The following RHOBTB3 variants were observed in gnomAD, a reference collection of about 807,000 sequenced individuals.
RHOBTB3 encodes rho-related BTB domain-containing protein 3.
RHOBTB3 carries 47 observed loss-of-function variants against 67.2 expected under a neutral mutation model. The ratio of observed to expected loss-of-function variants is 0.70; its 90% CI spans 0.55 to 0.89. The LOEUF is 0.89. Ranked by LOEUF, RHOBTB3 falls within the 40% of genes least tolerant of loss-of-function variation. RHOBTB3 has a pLI of 0.00. For missense variants in RHOBTB3, 631 were observed against 750.0 expected, an observed-to-expected ratio of 0.84 and a Z score of 1.85; for synonymous variants, 273 against 274.2, an observed-to-expected ratio of 1.00 and a Z score of 0.04.
At chr5:95,760,572 C>T (rs1745368026) in intron 6 of RHOBTB3, among the ~76,000 whole-genome samples, 1 of 152,198 alleles carries the variant, frequency 6.6e-6, no homozygotes, top group Admixed American at 6.5e-5. Flanking sequence ...GTGGCATGTC[C>T]TTTTCTGTAT....
intron 9 of RHOBTB3, chr5:95,782,308 A>G (rs1356757202): frequency 4.6e-5 from 7 of 152,238 alleles, no homozygotes; most frequent in African/African-American, 1.7e-4. Context: ...AATTACATGA[A>G]AAACCAGATT....
Position 95,779,155 on chromosome 5 carries a change from T to G in RHOBTB3, c.1283-1097T>G, listed in dbSNP as rs187028716. Among the ~76,000 whole-genome samples, 186 of 152,304 alleles carry G rather than the reference T, an allele frequency of 1.2e-3. 1 individual carries two copies. Among genetic ancestry groups the G allele is most frequent in the African/African-American group, 4.1e-3 (170 of 41,568 alleles). ...GAAGACTATATATCCCTGATGAGTA[T>G]GAGATTTTAGAGATGTGTGGGTAAA... On this transcript the variant is annotated intron_variant, in intron 8 of 11. Transcript: ENST00000379982.
At chr5:95,741,816 G>A (rs1047568342) in intron 3 of RHOBTB3, among the ~76,000 whole-genome samples, 5 of 151,928 alleles carry the variant, frequency 3.3e-5, no homozygotes, top group Admixed American at 6.6e-5. Context: ...TGTTTCTATC[G>A]TTCTTCCTAT....
At chr5:95,788,198 A>G (rs945535665) in intron 10 of RHOBTB3, among the ~76,000 whole-genome samples, 1 of 152,216 alleles carries the variant, frequency 6.6e-6, no homozygotes, top group Admixed American at 6.5e-5. Context: ...ATTAGCAGCT[A>G]TTGGAACTCA....
intron 10 of RHOBTB3, among the ~76,000 whole-genome samples, chr5:95,787,447 C>T (rs1024676616): frequency 3.8e-4 from 40 of 104,022 alleles, no homozygotes; most frequent in Non-Finnish European, 5.9e-4. Context: ...TCACACTATA[C>T]AGCTTTAAAA....
intron 1 of RHOBTB3, among the ~76,000 whole-genome samples, chr5:95,720,916 G>T (rs558572558): frequency 6.6e-6 from 1 of 152,048 alleles, no homozygotes; most frequent in African/African-American, 2.4e-5. Flanking sequence ...ATATTTTACC[G>T]AAGAAAAGGA....
At chr5:95,753,638 G>A (rs1380457632) in intron 5 of RHOBTB3, among the ~76,000 whole-genome samples, 1 of 152,158 alleles carries the variant, frequency 6.6e-6, no homozygotes, top group East Asian at 1.9e-4. Context: ...TGAAAGGGGA[G>A]ACATGGTCTA....
intron 4 of RHOBTB3, among the ~76,000 whole-genome samples, chr5:95,750,737 G>T (rs1745066576): frequency 6.6e-6 from 1 of 152,122 alleles, no homozygotes; most frequent in South Asian, 2.1e-4. Flanking sequence ...CCTGCGGGGT[G>T]GCCAAAGGGT....
intron 8 of RHOBTB3, among the ~76,000 whole-genome samples, chr5:95,777,643 A>G (rs1314023645): frequency 2.0e-5 from 3 of 152,256 alleles, no homozygotes; most frequent in Non-Finnish European, 2.9e-5. Context: ...ATATTTTTAT[A>G]TACAGTGTTG....
Position 95,795,848 on chromosome 5 carries a change from A to C in RHOBTB3, c.*2674A>C, listed in dbSNP as rs1157842097. 6.6e-6 allele frequency: 1 copy of C among 152,142 alleles called. No homozygotes were observed. Among genetic ancestry groups the C allele is most frequent in the East Asian group, 2.0e-4 (1 of 5,128 alleles). The allele number at this position is 152,142 out of a possible 1,614,324, so 9.4% of individuals were successfully genotyped here. On this transcript the variant is annotated 3_prime_UTR_variant, in exon 12 of 12. Coordinates refer to ENST00000379982, the MANE Select transcript of RHOBTB3 (RefSeq NM_014899.4). The stretch of plus-strand genomic sequence containing the variant: ...ACTGAAAGATTATTTCTAGATGGGT[A>C]GTGCTTTGTGCTGGTTTCTGCTTCC...
At position 95,794,002 on chromosome 5, in the gene RHOBTB3, T is replaced by C. The variant is rs1174425840; in HGVS notation, c.*828T>C. 1 of 456,246 alleles carries C rather than the reference T, an allele frequency of 2.2e-6. No homozygotes were observed. The highest frequency in any genetic ancestry group is 4.4e-6 in the Non-Finnish European group (1 of 226,946). 28.3% of individuals were successfully genotyped at this position (456,246 alleles called of 1,614,324 possible). ...TCCTATGTTTTCTTGCTCAAACACC[T>C]TTCTCTCTGAAAGCAGAAAAAGGCA... On this transcript the variant is annotated 3_prime_UTR_variant, in exon 12 of 12. Transcript: ENST00000379982.
In RHOBTB3 at chr5:95,788,814, A is replaced by C; in HGVS notation, c.1676A>C (p.Asn559Thr). The C allele has an allele frequency of 2.5e-6, 4 of 1,579,122 alleles. No individual in the cohort carries two copies. Among genetic ancestry groups the C allele is most frequent in the Non-Finnish European group, 3.4e-6 (4 of 1,168,292 alleles). ...TGGCTACTTCATTTCATTGCTACTAACTACCTCATCTTCAGTCAAAAGCCT... is the reference window on the plus strand; with the variant it reads ...TGGCTACTTCATTTCATTGCTACTACCTACCTCATCTTCAGTCAAAAGCCT... ...STWLLHFIATNYLIFSQKPEF... is the reference protein window; with the variant it reads ...STWLLHFIATTYLIFSQKPEF... The change falls in exon 11 of 12, where the codon AAC becomes ACC. Residue 559 changes from asparagine (N) to threonine (T), a missense_variant. Asn to Thr is a moderately conservative substitution (Grantham distance 65). Coordinates refer to ENST00000379982, the MANE Select transcript of RHOBTB3 (RefSeq NM_014899.4).
Position 95,731,641 on chromosome 5 carries a change from T to A in RHOBTB3, c.-42T>A. On this transcript the variant is annotated 5_prime_UTR_variant, in exon 1 of 12. Coordinates refer to ENST00000379982, the MANE Select transcript of RHOBTB3 (RefSeq NM_014899.4). ...GGGGCCCCGCGAAGCCGTGAGCCGC[T>A]GCTTTTCTCCGAGTCGCCGCCCTGC... is the stretch of plus-strand genomic sequence containing the variant. 1 of 1,612,450 alleles carries A rather than the reference T, an allele frequency of 6.2e-7. No individual in the cohort carries two copies. The highest frequency in any genetic ancestry group is 8.5e-7 in the Non-Finnish European group (1 of 1,179,456).
chr5:95,730,924 G>A (rs113054286), upstream of RHOBTB3: 4,753 of 456,732 alleles, frequency 0.01, 41 homozygotes, highest in Non-Finnish European at 0.014. Context: ...AAGGCCAAGA[G>A]GGGGGGAAAT....
chr5:95,722,076 G>A (rs1018794077), intron 1 of RHOBTB3, among the ~76,000 whole-genome samples: 3 of 152,154 alleles, frequency 2.0e-5, no homozygotes, highest in Admixed American at 1.3e-4. Context: ...ATGAGGTCAG[G>A]GGAAATGATC....
Position 95,746,469 on chromosome 5 carries a change from A to G in RHOBTB3, c.416-1864A>G, listed in dbSNP as rs140251571. The stretch of plus-strand genomic sequence containing the variant: ...GAAGAATGTGAAATACCAACATGTT[A>G]TTTTTCAAGATAGGCTAAATTCTGT... On this transcript the variant is annotated intron_variant, in intron 3 of 11. Transcript: ENST00000379982. Among the ~76,000 whole-genome samples, 494 of 152,194 alleles carry G rather than the reference A, an allele frequency of 3.2e-3. 5 individuals carry two copies. Among genetic ancestry groups the G allele is most frequent in the Non-Finnish European group, 4.2e-3 (287 of 68,008 alleles).
chr5:95,731,459 C>G lies in RHOBTB3; in HGVS notation c.-224C>G. 8.2e-7 allele frequency: 1 copy of G among 1,214,490 alleles called. No individual in the cohort carries two copies. Among genetic ancestry groups the G allele is most frequent in the Non-Finnish European group, 1.0e-6 (1 of 980,126 alleles). 75.2% of individuals were successfully genotyped at this position (1,214,490 alleles called of 1,614,324 possible). A position where few individuals can be genotyped will look rare whatever the true frequency, so the allele number is the denominator to read the frequency against. ...ATGTTCCCGGGCACTCCCTGAGTAG[C>G]GGCAGCTTATCCCCCGCCCGCTAGC... On this transcript the variant is annotated 5_prime_UTR_variant, in exon 1 of 12. Coordinates refer to ENST00000379982, the MANE Select transcript of RHOBTB3 (RefSeq NM_014899.4).
chr5:95,756,611 A>G (rs1292068595), intron 6 of RHOBTB3, among the ~76,000 whole-genome samples: 1 of 152,180 alleles, frequency 6.6e-6, no homozygotes, highest in Non-Finnish European at 1.5e-5. Flanking sequence ...ATACCACTTT[A>G]TGTGCCTACA....
intron 9 of RHOBTB3, among the ~76,000 whole-genome samples, chr5:95,781,091 C>T (rs1240005410): frequency 3.0e-4 from 45 of 152,174 alleles, no homozygotes; most frequent in Non-Finnish European, 2.9e-5. Context: ...GGAACAGATC[C>T]AGCAGGGTTC....
Sources: allele counts gnomAD v4.1 joint callset (sites outside exome capture counted in the v4.1 genomes callset), GRCh38; gene constraint gnomAD v4.1.1; transcripts MANE v1.5; gene names NCBI Gene and HGNC (gene_info 2026-07-23, HGNC 2026-07-21).